GNG7: variants seen among roughly 807,000 people sequenced by gnomAD.
GNG7 encodes G protein subunit gamma 7.
Under a neutral mutation model 4.0 loss-of-function variants are expected in GNG7, and 1 was observed. The ratio of observed to expected loss-of-function variants is 0.25; its 90% CI spans 0.09 to 1.18. The LOEUF (loss-of-function observed/expected upper bound fraction) is 1.18, where lower values mean the gene tolerates loss of function less well. GNG7 is among the 50% of genes most tolerant of loss of function. The pLI is 0.50. For missense variants in GNG7, 86 were observed against 91.9 expected (o/e 0.94, Z 0.26); for synonymous variants, 34 against 36.9 (o/e 0.92, Z 0.29).
chr19:2,559,458 TC>T (rs1979669382), intron 2 of GNG7, among the ~76,000 whole-genome samples: 1 of 151,704 alleles, frequency 6.6e-6, no homozygotes, highest in South Asian at 2.1e-4. Context: ...CTCAAGTGAT[TC>T]TACTGCCTTG....
chr19:2,548,420 G>A lies in GNG7; in HGVS notation c.-38+6729C>T, dbSNP rs373639320. Among the ~76,000 whole-genome samples, 428 of 147,320 alleles carry A rather than the reference G, an allele frequency of 2.9e-3. 2 individuals carry two copies. The highest frequency in any genetic ancestry group is 9.6e-3 in the African/African-American group (383 of 39,718). ...GCCGTGAACTCGGGAGGCGGAGGTT[G>A]CAGTGGGTTGAGATCGCGCCATTGC... is the stretch of plus-strand genomic sequence containing the variant. On this transcript the variant is annotated intron_variant, in intron 3 of 4. Coordinates refer to ENST00000382159, the MANE Select transcript of GNG7 (RefSeq NM_052847.3).
At chr19:2,581,829 C>A (rs2144791712) in intron 2 of GNG7, among the ~76,000 whole-genome samples, 1 of 152,268 alleles carries the variant, frequency 6.6e-6, no homozygotes, top group East Asian at 1.9e-4. Flanking sequence ...TGACAAGTGG[C>A]CAGTTGCTCA....
rs569801457 is a variant in GNG7 at position 2,684,240 on chromosome 19, A to G, written c.-135+18406T>C. 1.3e-4 allele frequency among the ~76,000 whole-genome samples: 19 copies of G among 150,622 alleles called. No homozygotes were observed. In the East Asian group the frequency reaches 3.6e-3, roughly 28 times the overall value. ...CAAGCTCCTCCTCCTGGGTTCAAGC[A>G]ATTCTCCTGCCTCAGCCTCGCGAGT... On this transcript the variant is annotated intron_variant, in intron 1 of 4. Transcript: ENST00000382159.
At chr19:2,551,978 C>A (rs901124871) in intron 3 of GNG7, among the ~76,000 whole-genome samples, 10 of 152,168 alleles carry the variant, frequency 6.6e-5, no homozygotes, top group Non-Finnish European at 1.5e-4. Flanking sequence ...AGCCACGGCG[C>A]CTGACTGCTT....
At chr19:2,651,298 CTACCTTCCCTCCA>C (rs1982813915) in intron 1 of GNG7, among the ~76,000 whole-genome samples, 1 of 85,418 alleles carries the variant, frequency 1.2e-5, no homozygotes, top group Non-Finnish European at 2.4e-5. Flanking sequence ...CCCTCCCTCC[CTACCTTCCCTCCA>C]TCCCTCCCTC....
chr19:2,685,579 C>T (rs1053679200), intron 1 of GNG7, among the ~76,000 whole-genome samples: 5 of 152,216 alleles, frequency 3.3e-5, no homozygotes, highest in Admixed American at 6.5e-5. Flanking sequence ...GAGCTGTGAT[C>T]GCACCACTGC....
chr19:2,645,876 A>C (rs927179098), intron 2 of GNG7, among the ~76,000 whole-genome samples: 6 of 152,180 alleles, frequency 3.9e-5, no homozygotes, highest in African/African-American at 1.2e-4. Context: ...GGTGCACAGG[A>C]GATACGGGTG....
intron 3 of GNG7, among the ~76,000 whole-genome samples, chr19:2,554,493 G>A (rs112206899): frequency 1.2e-3 from 176 of 149,022 alleles, no homozygotes; most frequent in African/African-American, 4.1e-3. Context: ...ACAGGCGCAC[G>A]CCACTGTGTA....
chr19:2,659,106 A>G (rs549946180), intron 1 of GNG7, among the ~76,000 whole-genome samples: 1 of 151,854 alleles, frequency 6.6e-6, no homozygotes, highest in Admixed American at 6.6e-5. Context: ...AGTAGCTGGG[A>G]CTACAGGCGC....
chr19:2,685,979 C>G (rs1341130930), intron 1 of GNG7, among the ~76,000 whole-genome samples: 2 of 152,124 alleles, frequency 1.3e-5, no homozygotes, highest in African/African-American at 4.8e-5. Flanking sequence ...TTTCCAAGGA[C>G]ACTCCAACCC....
chr19:2,634,148 G>A lies in GNG7; in HGVS notation c.-78+12076C>T, dbSNP rs998215391. On this transcript the variant is annotated intron_variant, in intron 2 of 4. Coordinates refer to ENST00000382159, the MANE Select transcript of GNG7 (RefSeq NM_052847.3). This position sits in a 1 kb window ranked among gnomAD's most constrained non-coding sequence, Gnocchi z 5.3. ...GTTTACACCGTCTGCCCCACTGGGC[G>A]TTTATGGTGCCTATCATGAGCAGGA... Among the ~76,000 whole-genome samples the A allele has an allele frequency of 5.9e-5, 9 of 152,290 alleles. No homozygotes were observed. The South Asian group carries it at 6.2e-4, about 11-fold the overall frequency.
chr19:2,637,447 T>C (rs560099403), intron 2 of GNG7, among the ~76,000 whole-genome samples: 5 of 152,190 alleles, frequency 3.3e-5, no homozygotes, highest in Non-Finnish European at 7.4e-5. Flanking sequence ...TCCGTCCTTG[T>C]AGGGAGGTGA....
At chr19:2,549,665 C>G (rs1979253716) in intron 3 of GNG7, among the ~76,000 whole-genome samples, 1 of 152,100 alleles carries the variant, frequency 6.6e-6, no homozygotes, top group Non-Finnish European at 1.5e-5. Flanking sequence ...AGTCTCTCCC[C>G]CAGAACCTTC....
intron 1 of GNG7, among the ~76,000 whole-genome samples, chr19:2,696,058 G>A (rs1306025751): frequency 6.6e-6 from 1 of 151,476 alleles, no homozygotes. Context: ...TCGGGAGGCT[G>A]AGGCAGGAGA....
chr19:2,562,039 T>C (rs1209518313), intron 2 of GNG7, among the ~76,000 whole-genome samples: 2 of 151,830 alleles, frequency 1.3e-5, no homozygotes, highest in Non-Finnish European at 2.9e-5. Flanking sequence ...CAGCGGGTAA[T>C]CCCCTTCCTC....
chr19:2,524,783 C>T (rs1170807596), intron 3 of GNG7, among the ~76,000 whole-genome samples: 6 of 152,112 alleles, frequency 3.9e-5, no homozygotes, highest in Non-Finnish European at 5.9e-5. Context: ...TGTGCGCACA[C>T]GTGTGTGGGC....
chr19:2,513,410 C>T lies in GNG7; in HGVS notation c.*1612G>A. ...TCCTGCGATCAGGGCTGCGTGGGGT[C>T]CATCTCAGGTGTGGCCGCAGGTGAT... On this transcript the variant is annotated 3_prime_UTR_variant, in exon 5 of 5. Transcript: ENST00000382159. 1.4e-6 allele frequency: 1 copy of T among 735,866 alleles called. No homozygotes were observed. Among genetic ancestry groups the T allele is most frequent in the Non-Finnish European group, 1.7e-6 (1 of 602,088 alleles). 45.6% of individuals were successfully genotyped at this position (735,866 alleles called of 1,614,324 possible). A position where few individuals can be genotyped will look rare whatever the true frequency, so the allele number is the denominator to read the frequency against.
At chr19:2,540,244 G>A (rs1381465082) in intron 3 of GNG7, among the ~76,000 whole-genome samples, 1 of 151,882 alleles carries the variant, frequency 6.6e-6, no homozygotes, top group Non-Finnish European at 1.5e-5. Flanking sequence ...TTGAACTCCT[G>A]GGCCTAAGCC....
rs13346786 is a variant in GNG7, at chr19:2,557,642, C to T, written c.-77-2454G>A. Among the ~76,000 whole-genome samples the T allele has an allele frequency of 2.0e-3, 303 of 152,256 alleles. 1 individual carries two copies. The highest frequency in any genetic ancestry group is 6.7e-3 in the African/African-American group (278 of 41,558). The stretch of plus-strand genomic sequence containing the variant: ...AAACTCTGAGTCAAAGTGCGATGTG[C>T]CCAGGCCAGCCCGGTGTGACCTCAG... On this transcript the variant is annotated intron_variant, in intron 2 of 4. Transcript: ENST00000382159. The surrounding 1 kb of genome is among the most constrained non-coding windows in gnomAD (Gnocchi z 5.1).
Sources: gnomAD v4.1 joint callset for allele counts (sites outside exome capture counted in the v4.1 genomes callset) on GRCh38, gnomAD v4.1.1 for gene constraint, Gnocchi (gnomAD v3.1) non-coding constraint, MANE v1.5 for transcripts, NCBI Gene and HGNC (gene_info 2026-07-23, HGNC 2026-07-21) for gene names.